The following PARD3 variants were observed in gnomAD, a reference collection of about 807,000 sequenced individuals.
PARD3 encodes par-3 family cell polarity regulator, also known as partitioning defective 3 homolog.
In PARD3, 75 loss-of-function variants were observed where a neutral mutation model predicts 155.4. That is an observed-to-expected ratio of 0.48 (90% CI 0.40 to 0.58). The LOEUF is 0.58. Among genes scored for constraint, PARD3 ranks in the 20% least tolerant of loss-of-function variants. PARD3 has a pLI of 0.00. For missense variants in PARD3, 1,642 were observed against 1,721.7 expected (o/e 0.95, Z 0.82); for synonymous variants, 576 against 610.5 (o/e 0.94, Z 0.83).
intron 14 of PARD3, among the ~76,000 whole-genome samples, chr10:34,358,084 A>G (rs2134475411): frequency 6.6e-6 from 1 of 152,292 alleles, no homozygotes; most frequent in South Asian, 2.1e-4. Context: ...AAAATGTGGG[A>G]ATCTGAACAT....
chr10:34,634,269 T>G lies in PARD3; in HGVS notation c.222+62049A>C, dbSNP rs115072600. 1.4e-3 allele frequency among the ~76,000 whole-genome samples: 209 copies of G among 152,306 alleles called. 1 individual carries two copies. The highest frequency in any genetic ancestry group is 4.9e-3 in the African/African-American group (202 of 41,562). ...GTTAACAGATGAAGTCAATCTACATTTGCTGATGCGGAAACTTATCCAAGA... is the reference window on the plus strand; with the variant it reads ...GTTAACAGATGAAGTCAATCTACATGTGCTGATGCGGAAACTTATCCAAGA... On this transcript the variant is annotated intron_variant, in intron 2 of 24. Coordinates refer to ENST00000374788, the MANE Select transcript of PARD3 (RefSeq NM_001184785.2).
rs1491326864 is a variant in PARD3 at position 34,355,958 on chromosome 10, C to CAAAAAAAA, written c.2067+3188_2067+3189insTTTTTTTT. On this transcript the variant is annotated intron_variant, in intron 14 of 24. Transcript: ENST00000374788. ...AAAAAAAAAAAAAACAAAACAAAACCAAACAAAAAAACAGACAACAGACCC... is the reference window on the plus strand; with the variant it reads ...AAAAAAAAAAAAAACAAAACAAAACCAAAAAAAAAAACAAAAAAACAGACAACAGACCC... 5.1e-4 allele frequency among the ~76,000 whole-genome samples: 59 copies of CAAAAAAAA among 116,178 alleles called. 1 individual carries two copies. The highest frequency in any genetic ancestry group is 1.2e-3 in the African/African-American group (26 of 21,668). The allele number at this position is 116,178 out of a possible 152,430, so 76.2% of individuals were successfully genotyped here. A position where few individuals can be genotyped will look rare whatever the true frequency, so the allele number is the denominator to read the frequency against.
Position 34,359,285 on chromosome 10 carries a change from T to G in PARD3, c.1929A>C (p.Ile643=). 1 of 1,613,946 alleles carries G rather than the reference T, an allele frequency of 6.2e-7. No individual in the cohort carries two copies. The highest frequency in any genetic ancestry group is 8.5e-7 in the Non-Finnish European group (1 of 1,179,892). ...CCAACAGGGATTCTCCATTTACTGC[T>G]ATCAGTTGATCATTCACCCGAAGCC... is the stretch of plus-strand genomic sequence containing the variant. The part of the protein sequence containing the change: ...DGRLRVNDQL[I]AVNGESLLGK... Residue 643 remains isoleucine (I), a synonymous_variant, in exon 14 of 25, where the codon ATA becomes ATC. Coordinates refer to ENST00000374788, the MANE Select transcript of PARD3 (RefSeq NM_001184785.2).
chr10:34,630,802 GATTTATTTATTTATTT>G lies in PARD3; in HGVS notation c.222+65500_222+65515del, dbSNP rs111251881. Among the ~76,000 whole-genome samples the G allele has an allele frequency of 1.2e-4, 17 of 146,250 alleles. 1 individual carries two copies. The South Asian group carries it at 3.1e-3, about 27-fold the overall frequency. On this transcript the variant is annotated intron_variant, in intron 2 of 24. Coordinates refer to ENST00000374788, the MANE Select transcript of PARD3 (RefSeq NM_001184785.2). ...ACACACATAGTGATTTCTGTAAACAGATTTATTTATTTATTTATTTATTTATTTATTTATTTATTGA... is the reference window on the plus strand; with the variant it reads ...ACACACATAGTGATTTCTGTAAACAGATTTATTTATTTATTTATTTATTGA...
intron 2 of PARD3, among the ~76,000 whole-genome samples, chr10:34,617,582 CATAA>C (rs2091344209): frequency 6.6e-6 from 1 of 152,144 alleles, no homozygotes. Flanking sequence ...CACCGTATGC[CATAA>C]ATATGTATAA....
intron 2 of PARD3, among the ~76,000 whole-genome samples, chr10:34,630,896 C>G (rs1372084858): frequency 1.3e-5 from 2 of 151,866 alleles, no homozygotes; most frequent in Non-Finnish European, 2.9e-5. Context: ...TTCACTACAG[C>G]CTCAAACTCC....
intron 22 of PARD3, among the ~76,000 whole-genome samples, chr10:34,237,960 T>C (rs1216028186): frequency 1.3e-5 from 2 of 152,088 alleles, no homozygotes; most frequent in Non-Finnish European, 2.9e-5. Context: ...GAATATAACA[T>C]TGCATCAAAA....
chr10:34,121,929 T>G (rs1947027876), intron 23 of PARD3, among the ~76,000 whole-genome samples: 1 of 152,232 alleles, frequency 6.6e-6, no homozygotes, highest in Admixed American at 6.5e-5. Flanking sequence ...CGAGTTCTGC[T>G]TATGCAAACA....
intron 1 of PARD3, among the ~76,000 whole-genome samples, chr10:34,720,420 T>C (rs1341624170): frequency 1.4e-4 from 16 of 117,764 alleles, no homozygotes; most frequent in Admixed American, 1.3e-4. Context: ...CACTGCACTA[T>C]AGCCTGGGCA....
chr10:34,545,304 A>T (rs939578389), intron 2 of PARD3, among the ~76,000 whole-genome samples: 19 of 152,320 alleles, frequency 1.2e-4, no homozygotes, highest in African/African-American at 4.6e-4. Context: ...GAGCAAGGTC[A>T]GATGGTTAAG....
At chr10:34,190,902 C>T (rs1489229822) in intron 22 of PARD3, among the ~76,000 whole-genome samples, 1 of 151,902 alleles carries the variant, frequency 6.6e-6, no homozygotes, top group Non-Finnish European at 1.5e-5. Flanking sequence ...GGCAGCATGG[C>T]ATCTCGCGGG....
At chr10:34,519,752 T>G (rs986523505) in intron 2 of PARD3, among the ~76,000 whole-genome samples, 10 of 151,284 alleles carry the variant, frequency 6.6e-5, no homozygotes, top group Non-Finnish European at 1.3e-4. Flanking sequence ...AGGCGGAGGG[T>G]GCAGTGAGCC....
rs148021105 is a variant in PARD3 at position 34,193,106 on chromosome 10, T to C, written c.3420-61523A>G. On this transcript the variant is annotated intron_variant, in intron 22 of 24. Transcript: ENST00000374788. The stretch of plus-strand genomic sequence containing the variant: ...TTTTGAATTAAACAAGTAAATTCTT[T>C]CCACTGAAGTATCTAATTTGAATTT... 3.9e-5 allele frequency among the ~76,000 whole-genome samples: 6 copies of C among 152,364 alleles called. No homozygotes were observed. The East Asian group carries it at 9.6e-4, about 24-fold the overall frequency.
intron 1 of PARD3, among the ~76,000 whole-genome samples, chr10:34,696,882 C>T (rs1590699728): frequency 1.3e-5 from 2 of 151,828 alleles, no homozygotes; most frequent in South Asian, 4.2e-4. Flanking sequence ...CTGGTGGCTC[C>T]AAGTGTTTCT....
chr10:34,415,628 A>G (rs1423606317), intron 5 of PARD3, among the ~76,000 whole-genome samples: 1 of 152,232 alleles, frequency 6.6e-6, no homozygotes, highest in Non-Finnish European at 1.5e-5. Context: ...ATTGCATAAA[A>G]GACCAGTAGA....
chr10:34,149,704 T>C (rs1948689955), intron 22 of PARD3, among the ~76,000 whole-genome samples: 1 of 152,158 alleles, frequency 6.6e-6, no homozygotes, highest in Non-Finnish European at 1.5e-5. Flanking sequence ...TGAAAATGCT[T>C]ATTCTGTTTC....
intron 22 of PARD3, among the ~76,000 whole-genome samples, chr10:34,193,085 G>A (rs1171593865): frequency 6.6e-6 from 1 of 152,146 alleles, no homozygotes; most frequent in Non-Finnish European, 1.5e-5. Flanking sequence ...AACACCTTTT[G>A]AATTAAACAA....
chr10:34,713,682 C>T (rs2094477824), intron 1 of PARD3, among the ~76,000 whole-genome samples: 1 of 152,092 alleles, frequency 6.6e-6, no homozygotes, highest in African/African-American at 2.4e-5. Flanking sequence ...AGGAGGATCG[C>T]TTGAGCCCAG....
intron 1 of PARD3, among the ~76,000 whole-genome samples, chr10:34,806,911 A>G (rs566402005): frequency 6.6e-6 from 1 of 152,330 alleles, no homozygotes; most frequent in Admixed American, 6.5e-5. Flanking sequence ...ATATGAGAAC[A>G]TGGGGAAACA....
Sources: gnomAD v4.1 joint callset for allele counts (sites outside exome capture counted in the v4.1 genomes callset) on GRCh38, gnomAD v4.1.1 for gene constraint, MANE v1.5 for transcripts, NCBI Gene and HGNC (gene_info 2026-07-23, HGNC 2026-07-21) for gene names.